The following RAD23B variants were observed in gnomAD, a reference collection of about 807,000 sequenced individuals.
RAD23B encodes RAD23 nucleotide excision repair protein B.
In RAD23B, 5 loss-of-function variants were observed where a neutral mutation model predicts 49.1. That is an observed-to-expected ratio of 0.10 (90% CI 0.05 to 0.21). The LOEUF (loss-of-function observed/expected upper bound fraction) is 0.21. Ranked by LOEUF, RAD23B falls within the 10% of genes least tolerant of loss-of-function variation. The pLI is 1.00. For missense variants in RAD23B, 356 were observed against 486.7 expected, an observed-to-expected ratio of 0.73 and a Z score of 2.53; for synonymous variants, 184 against 165.4, an observed-to-expected ratio of 1.11 and a Z score of -0.86.
At chr9:107,312,486 T>G (rs1008886230) in intron 5 of RAD23B, among the ~76,000 whole-genome samples, 2 of 152,150 alleles carry the variant, frequency 1.3e-5, no homozygotes, top group South Asian at 2.1e-4. Flanking sequence ...AGCATCTGAG[T>G]TGGTTCTCTG....
chr9:107,325,440 G>A lies in RAD23B; in HGVS notation c.1116+436G>A, dbSNP rs575614397. 7.2e-5 allele frequency among the ~76,000 whole-genome samples: 11 copies of A among 151,762 alleles called. No homozygotes were observed. In the East Asian group the frequency reaches 2.1e-3, roughly 29 times the overall value. On this transcript the variant is annotated intron_variant, in intron 9 of 9. Coordinates refer to ENST00000358015, the MANE Select transcript of RAD23B (RefSeq NM_002874.5). ...TTTCAATAGTGTCCTGTAGTTTTCA[G>A]TGTAGAAGTTGTGTAATACTTTTGT...
chr9:107,306,785 T>G, intron 4 of RAD23B, 138 bp downstream of exon 4: 1 of 940,478 alleles, frequency 1.1e-6, no homozygotes, highest in Non-Finnish European at 1.6e-6. Flanking sequence ...GACTAAAACA[T>G]ATGCTGCGTC....
intron 4 of RAD23B, among the ~76,000 whole-genome samples, chr9:107,311,257 C>T (rs998075897): frequency 6.6e-6 from 1 of 152,114 alleles, no homozygotes; most frequent in African/African-American, 2.4e-5. Context: ...TATGTAAAGA[C>T]TTTATAGCCT....
At position 107,331,504 on chromosome 9, in the gene RAD23B, G is replaced by GTA; in HGVS notation, c.*1850_*1851dup. 1 of 581,442 alleles carries GTA rather than the reference G, an allele frequency of 1.7e-6. No homozygotes were observed. The highest frequency in any genetic ancestry group is 2.3e-5 in the South Asian group (1 of 43,744). 36.0% of individuals were successfully genotyped at this position (581,442 alleles called of 1,614,324 possible). On this transcript the variant is annotated 3_prime_UTR_variant, in exon 10 of 10. Transcript: ENST00000358015. ...CAGGCTTTTGGACTTTGTATTACCTGTATGTTTTATAATGGATCATGCATA... is the reference window on the plus strand; with the variant it reads ...CAGGCTTTTGGACTTTGTATTACCTGTATATGTTTTATAATGGATCATGCATA...
At chr9:107,287,552 A>G (rs898066462) in intron 1 of RAD23B, among the ~76,000 whole-genome samples, 4 of 152,190 alleles carry the variant, frequency 2.6e-5, no homozygotes, top group South Asian at 2.1e-4. Flanking sequence ...GTTTACCTCT[A>G]TAATGTGATT....
At chr9:107,323,655 A>G (rs565730789) in intron 7 of RAD23B, among the ~76,000 whole-genome samples, 1 of 152,300 alleles carries the variant, frequency 6.6e-6, no homozygotes, top group Non-Finnish European at 1.5e-5. Flanking sequence ...AGTTTGGTTC[A>G]TATTACAGTC....
intron 7 of RAD23B, among the ~76,000 whole-genome samples, chr9:107,322,964 C>T (rs1290707982): frequency 6.6e-6 from 1 of 152,154 alleles, no homozygotes; most frequent in Non-Finnish European, 1.5e-5. Flanking sequence ...TTGCCTTCAC[C>T]TGTAAAGCTG....
At position 107,311,674 on chromosome 9, in the gene RAD23B, T is replaced by C. The variant is rs1222155047; in HGVS notation, c.498-8T>C. The C allele has an allele frequency of 3.2e-6, 5 of 1,571,998 alleles. No homozygotes were observed. The highest frequency in any genetic ancestry group is 4.3e-6 in the Non-Finnish European group (5 of 1,165,006). ...TTAAAATGTGATTTTTCTAAAATCC[T>C]TTTGTAGTACATCGGGTGATTCTTC... On this transcript the variant is annotated splice_region_variant and splice_polypyrimidine_tract_variant and intron_variant, in intron 4 of 9. Transcript: ENST00000358015.
intron 3 of RAD23B, among the ~76,000 whole-genome samples, chr9:107,303,481 C>G (rs961637038): frequency 2.0e-5 from 3 of 152,078 alleles, no homozygotes; most frequent in African/African-American, 7.2e-5. Flanking sequence ...CAAGCAGAAT[C>G]GTGAGGAAAC....
Position 107,318,729 on chromosome 9 carries a change from T to TC in RAD23B, c.554-19dup, listed in dbSNP as rs770706491. The TC allele has an allele frequency of 6.3e-7, 1 of 1,592,604 alleles. No homozygotes were observed. The highest frequency in any genetic ancestry group is 8.6e-7 in the Non-Finnish European group (1 of 1,165,770). ...CTTATTTATTAAATGTTCCTTTTTT[T>TC]CCCCTCCACCCTCCCTTTTTAGTGA... On this transcript the variant is annotated intron_variant, in intron 5 of 9. Coordinates refer to ENST00000358015, the MANE Select transcript of RAD23B (RefSeq NM_002874.5). The surrounding 1 kb of genome is among the most constrained non-coding windows in gnomAD (Gnocchi z 4.3).
At chr9:107,294,781 A>G (rs1396320914) in intron 1 of RAD23B, among the ~76,000 whole-genome samples, 1 of 152,196 alleles carries the variant, frequency 6.6e-6, no homozygotes, top group Non-Finnish European at 1.5e-5. Flanking sequence ...AGAAATACAG[A>G]TGACATCTGC....
chr9:107,286,247 C>T (rs1348760627), intron 1 of RAD23B, among the ~76,000 whole-genome samples: 1 of 152,142 alleles, frequency 6.6e-6, no homozygotes, highest in African/African-American at 2.4e-5. Flanking sequence ...GGGAATGATT[C>T]ATTTGTTGAA....
intron 6 of RAD23B, 140 bp downstream of exon 6, chr9:107,319,019 G>A (rs865870049): frequency 1.3e-6 from 1 of 758,874 alleles, no homozygotes; most frequent in South Asian, 3.9e-5. Flanking sequence ...TAGTATGTTT[G>A]TATTTTGTGT....
chr9:107,329,771 T>G lies in RAD23B; in HGVS notation c.*115T>G. ...CAATACTTGGTATAAGGTAGTAGAT[T>G]GTTGGGGGTGGGGAGGGAGGGATCT... On this transcript the variant is annotated 3_prime_UTR_variant, in exon 10 of 10. Coordinates refer to ENST00000358015, the MANE Select transcript of RAD23B (RefSeq NM_002874.5). 2.1e-6 allele frequency: 1 copy of G among 476,274 alleles called. No homozygotes were observed. Among genetic ancestry groups the G allele is most frequent in the South Asian group, 2.7e-5 (1 of 37,180 alleles). The allele number at this position is 476,274 out of a possible 1,614,324, so 29.5% of individuals were successfully genotyped here.
intron 4 of RAD23B, 66 bp from the exon 5 acceptor site, chr9:107,311,616 C>A: frequency 8.7e-7 from 1 of 1,147,900 alleles, no homozygotes; most frequent in Non-Finnish European, 1.2e-6. Flanking sequence ...TGGATAGTTA[C>A]TAAACTAATG....
At chr9:107,283,955 G>T (rs1833217100) in intron 1 of RAD23B, 1 of 1,125,760 alleles carries the variant, frequency 8.9e-7, no homozygotes, top group Non-Finnish European at 1.1e-6. Flanking sequence ...CACGCCCGCG[G>T]GCCTGGGCCT....
chr9:107,303,435 T>G (rs1343224299), intron 3 of RAD23B, among the ~76,000 whole-genome samples: 2 of 152,198 alleles, frequency 1.3e-5, no homozygotes, highest in African/African-American at 2.4e-5. Flanking sequence ...TTTGCTATAC[T>G]TAAGAACTTA....
chr9:107,302,029 T>C lies in RAD23B; in HGVS notation c.149-6T>C. ...TAAATGATTTTTTTTTCTCTTAATG[T>C]ATTAGGCAAAATCCTCAATGATGAT... On this transcript the variant is annotated splice_polypyrimidine_tract_variant and splice_region_variant and intron_variant, in intron 2 of 9. Coordinates refer to ENST00000358015, the MANE Select transcript of RAD23B (RefSeq NM_002874.5). The C allele has an allele frequency of 1.2e-6, 2 of 1,611,100 alleles. No individual in the cohort carries two copies. Among genetic ancestry groups the C allele is most frequent in the African/African-American group, 2.7e-5 (2 of 74,836 alleles).
chr9:107,319,704 A>G (rs967831715), intron 6 of RAD23B, among the ~76,000 whole-genome samples: 4 of 152,022 alleles, frequency 2.6e-5, no homozygotes, highest in Non-Finnish European at 5.9e-5. Flanking sequence ...TTGGCATTTG[A>G]ATTTGTTTTT....
Sources: allele counts gnomAD v4.1 joint callset (sites outside exome capture counted in the v4.1 genomes callset), GRCh38; gene constraint gnomAD v4.1.1; non-coding constraint Gnocchi (gnomAD v3.1); transcripts MANE v1.5; gene names NCBI Gene and HGNC (gene_info 2026-07-23, HGNC 2026-07-21).